Variants in KDM4C observed in about 807,000 individuals in gnomAD.
KDM4C encodes the protein lysine-specific demethylase 4C.
KDM4C carries 81 observed loss-of-function variants against 129.3 expected under a neutral mutation model. That is an observed-to-expected ratio of 0.63 (90% CI 0.52 to 0.75). The LOEUF (loss-of-function observed/expected upper bound fraction) is 0.75, where lower values mean the gene tolerates loss of function less well. Among genes scored for constraint, KDM4C ranks in the 30% least tolerant of loss-of-function variants. KDM4C has a pLI of 0.00. For missense variants in KDM4C, 1,457 were observed against 1,304.0 expected (o/e 1.12, Z -1.81); for synonymous variants, 573 against 456.1 (o/e 1.26, Z -3.26).
chr9:6,797,638 C>G (rs1004785730), intron 2 of KDM4C, among the ~76,000 whole-genome samples: 1 of 152,136 alleles, frequency 6.6e-6, no homozygotes, highest in African/African-American at 2.4e-5. Context: ...CATAGATTGT[C>G]CTGGACTGTA....
chr9:6,789,750 A>G (rs990643680), intron 1 of KDM4C, among the ~76,000 whole-genome samples: 3 of 151,938 alleles, frequency 2.0e-5, no homozygotes, highest in African/African-American at 7.3e-5. Flanking sequence ...GGGGGTATGT[A>G]CCTGTCTACA....
At chr9:6,955,255 G>C (rs958506621) in intron 8 of KDM4C, among the ~76,000 whole-genome samples, 1 of 152,234 alleles carries the variant, frequency 6.6e-6, no homozygotes, top group Admixed American at 6.5e-5. Context: ...GTCAGTGATA[G>C]GAGAAAGAGG....
rs778929247 is a variant in KDM4C at position 7,165,285 on chromosome 9, C to T, written c.2829C>T (p.Val943=). 2 of 1,614,152 alleles carry T rather than the reference C, an allele frequency of 1.2e-6. No individual in the cohort carries two copies. Among genetic ancestry groups the T allele is most frequent in the Non-Finnish European group, 1.7e-6 (2 of 1,180,024 alleles). The part of the protein sequence containing the change: ...KLGPPAEGEV[V]QVKWPDGKLY... Reference sequence around the variant, plus strand: ...GCCCACCTGCTGAGGGAGAAGTCGTCCAAGTCAAGTGGCCCGATGGCAAAC... The same window carrying T: ...GCCCACCTGCTGAGGGAGAAGTCGTTCAAGTCAAGTGGCCCGATGGCAAAC... The change falls in exon 20 of 22, where the codon GTC becomes GTT. Residue 943 remains valine, a synonymous_variant. Transcript: ENST00000381309.
chr9:6,906,810 T>C (rs1818407020), intron 8 of KDM4C, among the ~76,000 whole-genome samples: 1 of 152,210 alleles, frequency 6.6e-6, no homozygotes, highest in South Asian at 2.1e-4. Flanking sequence ...TTTGTAGTTA[T>C]TTGTGCACAG....
At chr9:6,773,548 G>T (rs1314214414) in intron 1 of KDM4C, among the ~76,000 whole-genome samples, 1 of 152,118 alleles carries the variant, frequency 6.6e-6, no homozygotes, top group Non-Finnish European at 1.5e-5. Flanking sequence ...GAGACGGGCA[G>T]ATCACTTAGG....
chr9:6,985,774 T>C (rs1817585334), intron 10 of KDM4C, among the ~76,000 whole-genome samples: 1 of 152,166 alleles, frequency 6.6e-6, no homozygotes, highest in Admixed American at 6.5e-5. Flanking sequence ...CCCTGCAACC[T>C]CTGCCTCTCA....
chr9:7,123,067 T>C (rs1189439536), intron 18 of KDM4C, among the ~76,000 whole-genome samples: 3 of 152,252 alleles, frequency 2.0e-5, no homozygotes, highest in Admixed American at 6.5e-5. Context: ...AATAGCATTA[T>C]GAAAGAATCC....
At chr9:6,721,541 C>T (rs1435736313) in intron 1 of KDM4C, among the ~76,000 whole-genome samples, 1 of 151,470 alleles carries the variant, frequency 6.6e-6, no homozygotes, top group Non-Finnish European at 1.5e-5. Flanking sequence ...GTCTCGGCCT[C>T]CCAAAGTGCT....
chr9:7,160,313 C>T (rs117595864), intron 19 of KDM4C, among the ~76,000 whole-genome samples: 2,301 of 152,246 alleles, frequency 0.015, 25 homozygotes, highest in Non-Finnish European at 0.023. Context: ...TTATTACCGA[C>T]CTTCTGAAGC....
chr9:7,124,640 T>C (rs1241382697), intron 18 of KDM4C, among the ~76,000 whole-genome samples: 1 of 152,218 alleles, frequency 6.6e-6, no homozygotes, highest in Non-Finnish European at 1.5e-5. Context: ...ATATGTTATA[T>C]ACTGTCACCT....
At chr9:6,834,379 A>G in intron 4 of KDM4C, 1 of 330,230 alleles carries the variant, frequency 3.0e-6, no homozygotes. Context: ...TTGTTGGCCA[A>G]GACCACGTCC....
In KDM4C at chr9:6,758,105, A is replaced by C. The variant is rs1818608936; in HGVS notation, c.-116A>C. 1.0e-6 allele frequency: 1 copy of C among 985,584 alleles called. No individual in the cohort carries two copies. Among genetic ancestry groups the C allele is most frequent in the Non-Finnish European group, 1.2e-6 (1 of 830,066 alleles). 61.1% of individuals were successfully genotyped at this position (985,584 alleles called of 1,614,324 possible). A position where few individuals can be genotyped will look rare whatever the true frequency, so the allele number is the denominator to read the frequency against. ...AGCGAACAGCTGTCACCTAGTGCGG[A>C]ACAAGTCTCCCAAATTTCCCAAATC... On this transcript the variant is annotated 5_prime_UTR_variant, in exon 1 of 22. Coordinates refer to ENST00000381309, the MANE Select transcript of KDM4C (RefSeq NM_015061.6). The surrounding 1 kb of genome is among the most constrained non-coding windows in gnomAD (Gnocchi z 4.6).
rs141445734 is a variant in KDM4C, at chr9:6,739,175, C to T, written c.49+18178C>T. On this transcript the variant is annotated intron_variant, in intron 1 of 17. Transcript: ENST00000536108. Reference sequence around the variant, plus strand: ...GCAACCTCTGCCTCCTGGGTTCAAGCGATTCTTGTGCCTCAGCTTCCCGAG... The same window carrying T: ...GCAACCTCTGCCTCCTGGGTTCAAGTGATTCTTGTGCCTCAGCTTCCCGAG... 9.5e-3 allele frequency among the ~76,000 whole-genome samples: 1,449 copies of T among 152,190 alleles called. 20 individuals carry two copies. Among genetic ancestry groups the T allele is most frequent in the African/African-American group, 0.033 (1,375 of 41,528 alleles).
At chr9:7,159,450 G>T (rs967092828) in intron 19 of KDM4C, among the ~76,000 whole-genome samples, 1 of 152,228 alleles carries the variant, frequency 6.6e-6, no homozygotes, top group Non-Finnish European at 1.5e-5. Context: ...AATTTCTCAT[G>T]TTTTTGCAGT....
intron 17 of KDM4C, among the ~76,000 whole-genome samples, chr9:7,080,122 G>T (rs973827212): frequency 6.6e-6 from 1 of 152,122 alleles, no homozygotes; most frequent in Non-Finnish European, 1.5e-5. Context: ...TCAAACCCAT[G>T]GTGTCTTCTT....
chr9:7,129,731 C>T (rs1232802680), intron 19 of KDM4C, among the ~76,000 whole-genome samples: 5 of 152,168 alleles, frequency 3.3e-5, no homozygotes, highest in Non-Finnish European at 5.9e-5. Flanking sequence ...TACAAGCAAT[C>T]TACCACCTGT....
chr9:6,790,323 C>T (rs1350018757), intron 1 of KDM4C, among the ~76,000 whole-genome samples: 2 of 151,428 alleles, frequency 1.3e-5, no homozygotes, highest in Admixed American at 6.6e-5. Flanking sequence ...TCACTCACTG[C>T]AAGCTCCGCC....
At chr9:6,951,263 A>G (rs909099897) in intron 8 of KDM4C, among the ~76,000 whole-genome samples, 2 of 152,202 alleles carry the variant, frequency 1.3e-5, no homozygotes, top group Admixed American at 6.5e-5. Flanking sequence ...GAACACTAGA[A>G]CTTATTGCTT....
chr9:7,165,359 T>C lies in KDM4C; in HGVS notation c.2901+2T>C. The C allele has an allele frequency of 6.2e-7, 1 of 1,613,786 alleles. No individual in the cohort carries two copies. The highest frequency in any genetic ancestry group is 1.1e-5 in the South Asian group (1 of 90,998). The stretch of plus-strand genomic sequence containing the variant: ...TCAAATATTGCCCACATGTACCAGG[T>C]GGGTTCTTCCTTCTCTGTGATGCTT... On this transcript the variant is annotated splice_donor_variant, in intron 20 of 21. Transcript: ENST00000381309. LOFTEE classifies it high-confidence loss of function.
Sources: gnomAD v4.1 joint callset for allele counts (sites outside exome capture counted in the v4.1 genomes callset) on GRCh38, gnomAD v4.1.1 for gene constraint, Gnocchi (gnomAD v3.1) non-coding constraint, MANE v1.5 for transcripts, NCBI Gene and HGNC (gene_info 2026-07-23, HGNC 2026-07-21) for gene names.